CELF2: variants seen among roughly 807,000 people sequenced by gnomAD.
The protein encoded by CELF2 is CUGBP Elav-like family member 2.
Under a neutral mutation model 62.6 loss-of-function variants are expected in CELF2, and 8 were observed. The observed-to-expected ratio is 0.13, with a 90% CI of 0.07 to 0.23. The LOEUF (loss-of-function observed/expected upper bound fraction) is 0.23, where lower values mean the gene tolerates loss of function less well. CELF2 is among the 10% of genes least tolerant of loss of function. The pLI, the probability that CELF2 is intolerant of heterozygous loss-of-function variation, is 1.00. For missense variants in CELF2, 333 were observed against 671.0 expected (o/e 0.50, Z 5.56); for synonymous variants, 258 against 250.0 (o/e 1.03, Z -0.30).
the CELF2 span, among the ~76,000 whole-genome samples, chr10:10,679,286 T>C: frequency 1.3e-5 from 2 of 152,100 alleles, no homozygotes; most frequent in African/African-American, 4.8e-5. Context: ...TAATCTTTTC[T>C]TATGTTTTGT....
intron 1 of CELF2, among the ~76,000 whole-genome samples, chr10:11,070,078 G>A (rs568496198): frequency 2.0e-5 from 3 of 152,302 alleles, no homozygotes; most frequent in Non-Finnish European, 2.9e-5. Flanking sequence ...AATAATGTTT[G>A]TACTCTTGTT....
At chr10:11,283,985 T>A (rs62634802) in intron 8 of CELF2, among the ~76,000 whole-genome samples, 5 of 120,758 alleles carry the variant, frequency 4.1e-5, no homozygotes, top group Admixed American at 8.3e-5. Flanking sequence ...CGGATGAGTG[T>A]GTGGTGAGTG....
chr10:11,037,905 T>C (rs1157608208), intron 1 of CELF2, among the ~76,000 whole-genome samples: 6 of 152,198 alleles, frequency 3.9e-5, no homozygotes, highest in African/African-American at 1.4e-4. Context: ...GGTTATAGGT[T>C]GAATTAATGA....
At chr10:11,149,195 T>C (rs1228374954) in intron 1 of CELF2, among the ~76,000 whole-genome samples, 1 of 152,148 alleles carries the variant, frequency 6.6e-6, no homozygotes, top group Non-Finnish European at 1.5e-5. Flanking sequence ...CTCAGCCTCC[T>C]GAGTGGCTGG....
At chr10:10,676,409 C>T in the CELF2 span, among the ~76,000 whole-genome samples, 1 of 152,176 alleles carries the variant, frequency 6.6e-6, no homozygotes, top group Non-Finnish European at 1.5e-5. Flanking sequence ...CTAGCTTTTC[C>T]TAAGGGTAGA....
chr10:11,327,350 C>T (rs143305873), intron 12 of CELF2, among the ~76,000 whole-genome samples: 67 of 152,270 alleles, frequency 4.4e-4, no homozygotes, highest in African/African-American at 1.4e-3. Context: ...TGAGAAAATA[C>T]TTCCTTGAAA....
chr10:10,834,947 C>T (rs1213539582), intron 1 of CELF2, among the ~76,000 whole-genome samples: 1 of 152,160 alleles, frequency 6.6e-6, no homozygotes, highest in Non-Finnish European at 1.5e-5. Flanking sequence ...TGTTCCCTCT[C>T]CTTTCTTATC....
intron 2 of CELF2, among the ~76,000 whole-genome samples, chr10:10,932,812 T>C (rs1440351041): frequency 6.6e-6 from 1 of 152,012 alleles, no homozygotes; most frequent in Non-Finnish European, 1.5e-5. Flanking sequence ...GGAGGGAATA[T>C]CCCTTCTGCA....
chr10:10,500,342 G>T, the CELF2 span, among the ~76,000 whole-genome samples: 1 of 152,070 alleles, frequency 6.6e-6, no homozygotes, highest in Admixed American at 6.6e-5. Flanking sequence ...GATATGGTTT[G>T]GCTGTGTTCT....
At chr10:10,761,575 C>T in the CELF2 span, among the ~76,000 whole-genome samples, 1 of 152,184 alleles carries the variant, frequency 6.6e-6, no homozygotes, top group Non-Finnish European at 1.5e-5. Context: ...GTTGCTCTCT[C>T]AAATGTGGGT....
At chr10:11,241,490 G>A (rs986783052) in intron 3 of CELF2, among the ~76,000 whole-genome samples, 6 of 152,218 alleles carry the variant, frequency 3.9e-5, no homozygotes, top group African/African-American at 7.2e-5. Context: ...GTGAGTGACC[G>A]CGCTGGGCCA....
the CELF2 span, among the ~76,000 whole-genome samples, chr10:10,505,008 C>G: frequency 6.6e-6 from 1 of 152,086 alleles, no homozygotes; most frequent in African/African-American, 2.4e-5. Flanking sequence ...TCAGATAAAT[C>G]AAACATGTCT....
At chr10:10,484,542 C>T in the CELF2 span, among the ~76,000 whole-genome samples, 1 of 151,008 alleles carries the variant, frequency 6.6e-6, no homozygotes, top group Admixed American at 6.6e-5. Flanking sequence ...GTCTCAAACT[C>T]CTGGACTTAA....
chr10:11,028,129 C>G (rs1361048433), intron 1 of CELF2, among the ~76,000 whole-genome samples: 1 of 152,194 alleles, frequency 6.6e-6, no homozygotes, highest in Non-Finnish European at 1.5e-5. Context: ...ATCATGAAGA[C>G]TGATTCTTTT....
the CELF2 span, among the ~76,000 whole-genome samples, chr10:10,614,993 A>G: frequency 5.3e-5 from 8 of 152,070 alleles, no homozygotes; most frequent in Non-Finnish European, 1.2e-4. Flanking sequence ...GCATGATGGT[A>G]TCCATGGGCT....
chr10:10,508,317 G>C, the CELF2 span, among the ~76,000 whole-genome samples: 1 of 152,200 alleles, frequency 6.6e-6, no homozygotes, highest in African/African-American at 2.4e-5. Flanking sequence ...AATACTACTT[G>C]AACATGGAAA....
At chr10:10,870,386 A>T (rs1175087072) in intron 1 of CELF2, among the ~76,000 whole-genome samples, 2 of 152,034 alleles carry the variant, frequency 1.3e-5, no homozygotes, top group African/African-American at 2.4e-5. Flanking sequence ...TTATTTATTT[A>T]TTTTTTCCAT....
At chr10:10,786,478 G>GA in the CELF2 span, among the ~76,000 whole-genome samples, 702 of 144,426 alleles carry the variant, frequency 4.9e-3, 3 homozygotes, top group Admixed American at 9.4e-3. Context: ...TGATCCATTT[G>GA]AAAAAAAAAA....
intron 9 of CELF2, among the ~76,000 whole-genome samples, chr10:11,313,133 C>T (rs772153181): frequency 1.3e-5 from 2 of 152,046 alleles, no homozygotes; most frequent in Admixed American, 1.3e-4. Context: ...CCAAAACAGC[C>T]GGCTTTCTTA....
Sources: gnomAD v4.1 joint callset for allele counts (sites outside exome capture counted in the v4.1 genomes callset) on GRCh38, gnomAD v4.1.1 for gene constraint, MANE v1.5 for transcripts, NCBI Gene and HGNC (gene_info 2026-07-23, HGNC 2026-07-21) for gene names.